The following MACROD2 variants were observed in gnomAD, a reference collection of about 807,000 sequenced individuals.
MACROD2 encodes ADP-ribose glycohydrolase MACROD2.
Under a neutral mutation model 70.4 loss-of-function variants are expected in MACROD2, and 36 were observed. That is an observed-to-expected ratio of 0.51 (90% CI 0.39 to 0.68). The LOEUF (loss-of-function observed/expected upper bound fraction) is 0.68, where lower values mean the gene tolerates loss of function less well. MACROD2 is among the 30% of genes least tolerant of loss of function. The pLI is 0.00. For synonymous variants in MACROD2, 172 were observed against 178.8 expected, an observed-to-expected ratio of 0.96 and a Z score of 0.30; for missense variants, 496 against 538.4, an observed-to-expected ratio of 0.92 and a Z score of 0.78.
chr20:14,306,938 G>A (rs2082525643), intron 3 of MACROD2, among the ~76,000 whole-genome samples: 1 of 151,936 alleles, frequency 6.6e-6, no homozygotes, highest in South Asian at 2.1e-4. Flanking sequence ...TTGGACTTGA[G>A]TTGGGTGTTG....
intron 4 of MACROD2, among the ~76,000 whole-genome samples, chr20:14,525,324 T>C (rs1290265534): frequency 6.6e-6 from 1 of 152,224 alleles, no homozygotes; most frequent in Non-Finnish European, 1.5e-5. Flanking sequence ...TTTGAATACA[T>C]TCAATTCCAA....
chr20:14,207,006 C>A (rs1386283948), intron 3 of MACROD2, among the ~76,000 whole-genome samples: 1 of 151,872 alleles, frequency 6.6e-6, no homozygotes, highest in Non-Finnish European at 1.5e-5. Context: ...GAAAGATGGG[C>A]AATATGCTGA....
chr20:14,517,201 G>T (rs1568650036), intron 4 of MACROD2, among the ~76,000 whole-genome samples: 1 of 152,050 alleles, frequency 6.6e-6, no homozygotes, highest in Non-Finnish European at 1.5e-5. Context: ...TATACCCAAA[G>T]GATTATAAAT....
chr20:15,823,015 A>G (rs879562918), intron 8 of MACROD2, among the ~76,000 whole-genome samples: 20 of 152,314 alleles, frequency 1.3e-4, no homozygotes, highest in Middle Eastern at 6.8e-3. Flanking sequence ...GCTGAGTTAA[A>G]ATCTATTATA....
intron 3 of MACROD2, among the ~76,000 whole-genome samples, chr20:14,382,117 A>T (rs942473120): frequency 2.8e-5 from 4 of 142,784 alleles, no homozygotes; most frequent in Admixed American, 7.4e-5. Flanking sequence ...GCTGGAGTGC[A>T]GTGGTGCCAT....
At chr20:14,007,208 T>G (rs2052835837) in intron 2 of MACROD2, among the ~76,000 whole-genome samples, 2 of 152,186 alleles carry the variant, frequency 1.3e-5, no homozygotes, top group African/African-American at 4.8e-5. Context: ...TTTCTGTTAT[T>G]AAGTCTTTTA....
chr20:15,132,052 A>C (rs996600988), intron 5 of MACROD2, among the ~76,000 whole-genome samples: 2 of 152,058 alleles, frequency 1.3e-5, no homozygotes, highest in Non-Finnish European at 2.9e-5. Context: ...AATGCTAACA[A>C]AAATAAAACT....
At chr20:16,047,554 T>C (rs1445495294) in intron 17 of MACROD2, among the ~76,000 whole-genome samples, 2 of 152,222 alleles carry the variant, frequency 1.3e-5, no homozygotes, top group Non-Finnish European at 2.9e-5. Context: ...ACTCTCGTAA[T>C]GCTCGTTGCC....
chr20:15,001,417 TA>T (rs1405497994), intron 5 of MACROD2, among the ~76,000 whole-genome samples: 1 of 152,212 alleles, frequency 6.6e-6, no homozygotes, highest in Non-Finnish European at 1.5e-5. Context: ...TACCTTTGGC[TA>T]AGAGGTGTCA....
At chr20:15,983,293 A>G (rs1411661875) in intron 13 of MACROD2, among the ~76,000 whole-genome samples, 1 of 152,128 alleles carries the variant, frequency 6.6e-6, no homozygotes, top group Non-Finnish European at 1.5e-5. Context: ...TGGCTTTACG[A>G]TGTCTTATTT....
intron 3 of MACROD2, among the ~76,000 whole-genome samples, chr20:14,287,025 C>T (rs1043532372): frequency 6.6e-6 from 1 of 152,162 alleles, no homozygotes; most frequent in East Asian, 1.9e-4. Context: ...CTTTTCTCCT[C>T]ATCCTGACTG....
At chr20:15,192,975 A>G (rs2076581705) in intron 5 of MACROD2, among the ~76,000 whole-genome samples, 1 of 152,184 alleles carries the variant, frequency 6.6e-6, no homozygotes. Flanking sequence ...GTCTTTATTA[A>G]CAGAGACAGA....
intron 6 of MACROD2, among the ~76,000 whole-genome samples, chr20:15,359,441 T>G (rs575773969): frequency 7.9e-5 from 12 of 151,968 alleles, no homozygotes; most frequent in Non-Finnish European, 5.9e-5. Flanking sequence ...GTAGTCAGCT[T>G]AAGGATTGTT....
At chr20:15,206,949 G>A (rs1309872907) in intron 5 of MACROD2, among the ~76,000 whole-genome samples, 1 of 150,058 alleles carries the variant, frequency 6.7e-6, no homozygotes, top group Admixed American at 6.6e-5. Flanking sequence ...TGTTAGCCAG[G>A]ATGGCCTCGA....
intron 8 of MACROD2, among the ~76,000 whole-genome samples, chr20:15,542,368 T>A (rs1482534360): frequency 3.3e-5 from 5 of 152,204 alleles, no homozygotes; most frequent in Admixed American, 6.5e-5. Context: ...GATATGGTTG[T>A]CAAAATTATC....
intron 5 of MACROD2, among the ~76,000 whole-genome samples, chr20:15,198,496 T>C (rs1911495349): frequency 1.3e-5 from 2 of 152,236 alleles, no homozygotes; most frequent in African/African-American, 4.8e-5. Context: ...TATTATTTTT[T>C]ATACCTATTT....
chr20:15,917,518 A>C (rs1433431428), intron 10 of MACROD2, among the ~76,000 whole-genome samples: 1 of 152,190 alleles, frequency 6.6e-6, no homozygotes, highest in African/African-American at 2.4e-5. Context: ...TTTCTATGGC[A>C]ATGGGAATTT....
chr20:15,574,071 C>A (rs144135291), intron 8 of MACROD2, among the ~76,000 whole-genome samples: 158 of 152,160 alleles, frequency 1.0e-3, no homozygotes, highest in African/African-American at 3.3e-3. Context: ...GTGCTTTTGG[C>A]AATACTACTC....
intron 5 of MACROD2, among the ~76,000 whole-genome samples, chr20:15,065,137 A>G (rs1475704007): frequency 8.5e-5 from 13 of 152,112 alleles, no homozygotes; most frequent in Admixed American, 8.5e-4. Flanking sequence ...TGCAATTCCT[A>G]TTGTCTCAGC....
Sources: allele counts gnomAD v4.1 joint callset (sites outside exome capture counted in the v4.1 genomes callset), GRCh38; gene constraint gnomAD v4.1.1; transcripts MANE v1.5; gene names NCBI Gene and HGNC (gene_info 2026-07-23, HGNC 2026-07-21).